DAB1: variants seen among roughly 807,000 people sequenced by gnomAD.
The protein encoded by DAB1 is disabled homolog 1.
In DAB1, 15 loss-of-function variants were observed where a neutral mutation model predicts 64.6. The ratio of observed to expected loss-of-function variants is 0.23; its 90% confidence interval spans 0.16 to 0.36. The LOEUF (loss-of-function observed/expected upper bound fraction) is 0.36. Among genes scored for constraint, DAB1 ranks in the 10% least tolerant of loss-of-function variants. DAB1 has a pLI of 1.00. For missense variants in DAB1, 596 were observed against 706.7 expected (o/e 0.84, Z 1.78); for synonymous variants, 235 against 251.9 (o/e 0.93, Z 0.64).
At chr1:57,255,582 C>G (rs1211541684) in intron 2 of DAB1, among the ~76,000 whole-genome samples, 1 of 152,076 alleles carries the variant, frequency 6.6e-6, no homozygotes, top group Non-Finnish European at 1.5e-5. Context: ...ATCACCTGAG[C>G]CAGGAGGTCA....
chr1:57,544,913 C>G (rs1260848592), intron 7 of DAB1, among the ~76,000 whole-genome samples: 1 of 152,190 alleles, frequency 6.6e-6, no homozygotes, highest in Non-Finnish European at 1.5e-5. Flanking sequence ...TCAATTAAAC[C>G]TCTTTCATTT....
chr1:58,145,045 G>T (rs1275630304), intron 5 of DAB1, among the ~76,000 whole-genome samples: 1 of 152,244 alleles, frequency 6.6e-6, no homozygotes, highest in East Asian at 1.9e-4. Context: ...CTGCAGATGG[G>T]TCTGTGTGAG....
chr1:57,905,971 C>A (rs984324589), intron 5 of DAB1, among the ~76,000 whole-genome samples: 3 of 152,202 alleles, frequency 2.0e-5, no homozygotes, highest in African/African-American at 7.2e-5. Context: ...GAATGACATT[C>A]TTCCTTCTTC....
At chr1:58,506,046 C>T (rs374178593) in intron 3 of DAB1, 56 of 846,262 alleles carry the variant, frequency 6.6e-5, no homozygotes, top group Middle Eastern at 4.5e-4. Context: ...CCGCCTTCTA[C>T]GGTGTCAGCT....
intron 5 of DAB1, among the ~76,000 whole-genome samples, chr1:58,081,395 C>T (rs1649987505): frequency 6.6e-6 from 1 of 152,218 alleles, no homozygotes; most frequent in African/African-American, 2.4e-5. Context: ...CATCTGTCAT[C>T]TGGGGCTTCT....
At chr1:57,991,909 G>A (rs1397610958) in intron 5 of DAB1, among the ~76,000 whole-genome samples, 2 of 151,076 alleles carry the variant, frequency 1.3e-5, no homozygotes, top group Non-Finnish European at 2.9e-5. Flanking sequence ...TGCTGATGGT[G>A]GAAGGGAGAT....
At chr1:58,026,309 T>C (rs1226749550) in intron 5 of DAB1, among the ~76,000 whole-genome samples, 1 of 152,070 alleles carries the variant, frequency 6.6e-6, no homozygotes, top group African/African-American at 2.4e-5. Flanking sequence ...GCACAGTGCA[T>C]TGTTTAGAAG....
chr1:57,438,325 G>C (rs1685776783), intron 7 of DAB1, among the ~76,000 whole-genome samples: 1 of 152,094 alleles, frequency 6.6e-6, no homozygotes, highest in Non-Finnish European at 1.5e-5. Context: ...TGAGAGCTAG[G>C]GATCTCATTA....
chr1:57,198,649 T>TCACA (rs57872654), intron 2 of DAB1, among the ~76,000 whole-genome samples: 39,044 of 127,224 alleles, frequency 0.31, 6,665 homozygotes, highest in South Asian at 0.41. Context: ...CTTCTCTCTC[T>TCACA]CACACACACA....
chr1:58,504,684 G>C (rs146431102), intron 3 of DAB1, among the ~76,000 whole-genome samples: 4 of 152,058 alleles, frequency 2.6e-5, no homozygotes. Context: ...AATAAATATC[G>C]ATCTACCTAA....
intron 4 of DAB1, among the ~76,000 whole-genome samples, chr1:58,274,877 G>A (rs548220750): frequency 0.013 from 1,984 of 151,968 alleles, 46 homozygotes; most frequent in African/African-American, 0.046. Flanking sequence ...CGCACGGTGC[G>A]CGCACCCACT....
At chr1:57,993,956 A>G (rs1646386238) in intron 5 of DAB1, among the ~76,000 whole-genome samples, 1 of 152,206 alleles carries the variant, frequency 6.6e-6, no homozygotes, top group Non-Finnish European at 1.5e-5. Context: ...CACAGAATTT[A>G]AATAATACAA....
intron 5 of DAB1, among the ~76,000 whole-genome samples, chr1:57,889,764 C>T (rs1644278351): frequency 6.6e-6 from 1 of 151,990 alleles, no homozygotes; most frequent in African/African-American, 2.4e-5. Flanking sequence ...TATTGGAGTC[C>T]CCTGGGGAAC....
rs545787927 is a variant in DAB1 at position 57,357,858 on chromosome 1, A to G, written c.-137+66072T>C. Among the ~76,000 whole-genome samples, 14 of 152,082 alleles carry G rather than the reference A, an allele frequency of 9.2e-5. No individual in the cohort carries two copies. In the South Asian group the frequency reaches 2.7e-3, roughly 29 times the overall value. The stretch of plus-strand genomic sequence containing the variant: ...GTACTGCATGGGGGTAACCATCCCC[A>G]TGATTCAATTACCTCCCACCAGATC... On this transcript the variant is annotated intron_variant, in intron 1 of 14. Coordinates refer to ENST00000371236, the MANE Select transcript of DAB1 (RefSeq NM_001365792.1).
At chr1:58,162,925 G>A (rs1655619167) in intron 4 of DAB1, among the ~76,000 whole-genome samples, 4 of 152,184 alleles carry the variant, frequency 2.6e-5, no homozygotes, top group Admixed American at 2.6e-4. Flanking sequence ...GGCAATGTCT[G>A]AAGACAGTCT....
At chr1:58,256,055 G>A (rs1255807727) in intron 4 of DAB1, among the ~76,000 whole-genome samples, 1 of 152,174 alleles carries the variant, frequency 6.6e-6, no homozygotes, top group Non-Finnish European at 1.5e-5. Flanking sequence ...GAGTTCAGCT[G>A]TGGCGTCTAT....
chr1:57,925,336 C>G (rs1047055405), intron 5 of DAB1, among the ~76,000 whole-genome samples: 6 of 152,210 alleles, frequency 3.9e-5, no homozygotes, highest in African/African-American at 1.2e-4. Context: ...TGGTTATATT[C>G]TGACAGGTCT....
intron 4 of DAB1, among the ~76,000 whole-genome samples, chr1:57,105,482 G>T (rs369462865): frequency 2.0e-5 from 3 of 152,074 alleles, no homozygotes; most frequent in African/African-American, 7.2e-5. Flanking sequence ...CTTAGTAGGT[G>T]CCTGTCACAT....
At chr1:58,022,192 G>A (rs1488137140) in intron 5 of DAB1, among the ~76,000 whole-genome samples, 2 of 152,156 alleles carry the variant, frequency 1.3e-5, no homozygotes, top group Non-Finnish European at 2.9e-5. Flanking sequence ...CATTACTCCA[G>A]GGCTTTCCAA....
Sources: allele counts gnomAD v4.1 joint callset (sites outside exome capture counted in the v4.1 genomes callset), GRCh38; gene constraint gnomAD v4.1.1; transcripts MANE v1.5; gene names NCBI Gene and HGNC (gene_info 2026-07-23, HGNC 2026-07-21).